Variants in GTF2B observed in about 807,000 individuals in gnomAD.
GTF2B encodes transcription initiation factor IIB.
In GTF2B, 20 loss-of-function variants were observed where a neutral mutation model predicts 34.6. That is an observed-to-expected ratio of 0.58 (90% CI 0.41 to 0.84). The LOEUF is 0.84. Ranked by LOEUF, GTF2B falls within the 40% of genes least tolerant of loss-of-function variation. The probability of loss-of-function intolerance (pLI) is 0.00; values close to 1 mark genes in which losing one functional copy is unlikely to be tolerated. For synonymous variants in GTF2B, 142 were observed against 132.4 expected, an observed-to-expected ratio of 1.07 and a Z score of -0.50; for missense variants, 237 against 393.3, an observed-to-expected ratio of 0.60 and a Z score of 3.36.
At chr1:88,864,149 CA>C in intron 2 of GTF2B, 35 bp from the exon 3 acceptor site, 1 of 1,609,512 alleles carries the variant, frequency 6.2e-7, no homozygotes, top group East Asian at 2.2e-5. Flanking sequence ...ATCATTTTGT[CA>C]AGATAGGGTT....
At chr1:88,867,367 G>C (rs572115588) in intron 2 of GTF2B, among the ~76,000 whole-genome samples, 1 of 152,102 alleles carries the variant, frequency 6.6e-6, no homozygotes, top group East Asian at 1.9e-4. Context: ...GGTATTTTTA[G>C]ACAGAATTTA....
At chr1:88,887,456 T>C in intron 1 of GTF2B, 89 bp from the exon 2 acceptor site, 1 of 803,342 alleles carries the variant, frequency 1.2e-6, no homozygotes, top group Non-Finnish European at 2.2e-6. Context: ...AGACAAAGAT[T>C]GTGAACGTTT....
intron 6 of GTF2B, 47 bp downstream of exon 6, chr1:88,857,159 G>A (rs1570717357): frequency 6.6e-7 from 1 of 1,524,848 alleles, no homozygotes; most frequent in Non-Finnish European, 8.9e-7. Flanking sequence ...ACAATCACAT[G>A]CTGCAAATTT....
intron 2 of GTF2B, among the ~76,000 whole-genome samples, chr1:88,873,796 A>C (rs754516306): frequency 6.6e-6 from 1 of 152,198 alleles, no homozygotes; most frequent in Non-Finnish European, 1.5e-5. Context: ...AGAGTTGTAC[A>C]CATCTCTTCT....
intron 2 of GTF2B, among the ~76,000 whole-genome samples, chr1:88,867,910 G>C (rs1673597803): frequency 6.6e-6 from 1 of 152,136 alleles, no homozygotes; most frequent in African/African-American, 2.4e-5. Flanking sequence ...ACTCGTTCAA[G>C]AATCTGTGGT....
intron 2 of GTF2B, among the ~76,000 whole-genome samples, chr1:88,881,739 T>C (rs559371136): frequency 1.3e-5 from 2 of 152,340 alleles, no homozygotes; most frequent in South Asian, 2.1e-4. Context: ...TCATATATTA[T>C]AGAAAGTAAG....
chr1:88,881,080 T>C (rs1673927450), intron 2 of GTF2B, among the ~76,000 whole-genome samples: 1 of 149,432 alleles, frequency 6.7e-6, no homozygotes, highest in Non-Finnish European at 1.5e-5. Flanking sequence ...AAGCCTACAT[T>C]GAACAGGATG....
chr1:88,886,270 T>C lies in GTF2B; in HGVS notation c.124+991A>G, dbSNP rs549857559. The stretch of plus-strand genomic sequence containing the variant: ...CACAGTATGCCACTACTAATGCTTC[T>C]GTTATACTGCCCACAATCCTTCTAG... On this transcript the variant is annotated intron_variant, in intron 2 of 6. Coordinates refer to ENST00000370500, the MANE Select transcript of GTF2B (RefSeq NM_001514.6). 1.2e-4 allele frequency among the ~76,000 whole-genome samples: 18 copies of C among 152,362 alleles called. No individual in the cohort carries two copies. The South Asian group carries it at 3.7e-3, about 32-fold the overall frequency.
At chr1:88,872,457 A>T (rs917268449) in intron 2 of GTF2B, among the ~76,000 whole-genome samples, 5 of 99,012 alleles carry the variant, frequency 5.0e-5, no homozygotes, top group East Asian at 2.7e-4. Context: ...CATCTCAATA[A>T]AAAAAAAAAA....
At chr1:88,888,329 G>C (rs867336483) in intron 1 of GTF2B, among the ~76,000 whole-genome samples, 1 of 152,072 alleles carries the variant, frequency 6.6e-6, no homozygotes, top group Admixed American at 6.6e-5. Flanking sequence ...TGATATCTAC[G>C]GGAAAACTGA....
intron 2 of GTF2B, among the ~76,000 whole-genome samples, chr1:88,883,580 T>C (rs989909395): frequency 1.1e-4 from 17 of 151,848 alleles, no homozygotes; most frequent in Non-Finnish European, 2.4e-4. Flanking sequence ...AGGGTCCTGC[T>C]TGAGCCCAGG....
intron 1 of GTF2B, among the ~76,000 whole-genome samples, chr1:88,890,429 AT>A (rs1674173380): frequency 6.6e-6 from 1 of 152,264 alleles, no homozygotes; most frequent in Non-Finnish European, 1.5e-5. Context: ...AGAAAAGGCT[AT>A]TTTGTAAAAA....
chr1:88,862,663 G>T (rs899445021), intron 3 of GTF2B, among the ~76,000 whole-genome samples: 10 of 152,100 alleles, frequency 6.6e-5, no homozygotes, highest in Non-Finnish European at 1.5e-4. Flanking sequence ...GCCTGGACAA[G>T]AGTGTCACTC....
chr1:88,859,745 A>T (rs1186524093), intron 5 of GTF2B, 137 bp downstream of exon 5: 1 of 657,874 alleles, frequency 1.5e-6, no homozygotes, highest in Non-Finnish European at 2.6e-6. Context: ...CTGAGGCAGG[A>T]GTATAGCTTG....
chr1:88,863,873 G>A (rs564130335), intron 3 of GTF2B, 108 bp downstream of exon 3: 58 of 897,412 alleles, frequency 6.5e-5, no homozygotes, highest in Middle Eastern at 4.5e-4. Context: ...TTATTAGACA[G>A]GTCAAGATTC....
chr1:88,890,078 A>T (rs1674163410), intron 1 of GTF2B, among the ~76,000 whole-genome samples: 2 of 151,954 alleles, frequency 1.3e-5, no homozygotes, highest in Non-Finnish European at 2.9e-5. Flanking sequence ...TGATAGAAAA[A>T]CTTGAGCAAT....
At chr1:88,857,635 A>G in intron 5 of GTF2B, 148 bp from the exon 6 acceptor site, 1 of 528,642 alleles carries the variant, frequency 1.9e-6, no homozygotes, top group Non-Finnish European at 3.4e-6. Context: ...CATCTCAGTG[A>G]TACTTCCCAC....
rs1036060982 is a variant in GTF2B at position 88,891,027 on chromosome 1, C to T, written c.17+456G>A. On this transcript the variant is annotated intron_variant, in intron 1 of 6. Transcript: ENST00000370500. ...GTTCCCAACTTCCTAGCTGTCAGATCGATAGGAACCTGAAACTAACTGTTT... is the reference window on the plus strand; with the variant it reads ...GTTCCCAACTTCCTAGCTGTCAGATTGATAGGAACCTGAAACTAACTGTTT... Among the ~76,000 whole-genome samples the T allele has an allele frequency of 2.7e-5, 4 of 146,406 alleles. 1 individual carries two copies. The Admixed American group carries it at 2.9e-4, about 11-fold the overall frequency.
chr1:88,874,496 AATTTT>A lies in GTF2B; in HGVS notation c.125-10387_125-10383del, dbSNP rs1443692926. 5.8e-5 allele frequency among the ~76,000 whole-genome samples: 6 copies of A among 102,808 alleles called. No individual in the cohort carries two copies. The East Asian group carries it at 9.0e-4, about 15-fold the overall frequency. The allele number at this position is 102,808 out of a possible 152,430, so 67.4% of individuals were successfully genotyped here. On this transcript the variant is annotated intron_variant, in intron 2 of 6. Coordinates refer to ENST00000370500, the MANE Select transcript of GTF2B (RefSeq NM_001514.6). ...TTGCGCCACCACACACAGCTAATTAAATTTTTTTTTTTTTTTTTTTTTTTTTTTTA... is the reference window on the plus strand; with the variant it reads ...TTGCGCCACCACACACAGCTAATTAATTTTTTTTTTTTTTTTTTTTTTTTA...
Sources: gnomAD v4.1 joint callset for allele counts (sites outside exome capture counted in the v4.1 genomes callset) on GRCh38, gnomAD v4.1.1 for gene constraint, MANE v1.5 for transcripts, NCBI Gene and HGNC (gene_info 2026-07-23, HGNC 2026-07-21) for gene names.